Variants in INSR observed in about 807,000 individuals in gnomAD.
INSR encodes the protein insulin receptor.
A neutral mutation model predicts 142.6 loss-of-function variants in INSR; 67 were observed. The ratio of observed to expected loss-of-function variants is 0.47; its 90% CI spans 0.39 to 0.58. INSR has a LOEUF of 0.58. Ranked by LOEUF, INSR falls within the 20% of genes least tolerant of loss-of-function variation. INSR has a pLI of 0.00. For synonymous variants in INSR, 756 were observed against 743.1 expected, an observed-to-expected ratio of 1.02 and a Z score of -0.28; for missense variants, 1,248 against 1,833.2, an observed-to-expected ratio of 0.68 and a Z score of 5.83.
At chr19:7,158,286 G>A (rs966412662) in intron 9 of INSR, among the ~76,000 whole-genome samples, 77 of 152,084 alleles carry the variant, frequency 5.1e-4, no homozygotes, top group African/African-American at 1.9e-3. Context: ...AGATCACGAG[G>A]TCAGGAGATC....
At chr19:7,208,062 C>G (rs1249727249) in intron 2 of INSR, among the ~76,000 whole-genome samples, 2 of 152,058 alleles carry the variant, frequency 1.3e-5, no homozygotes, top group Non-Finnish European at 2.9e-5. Context: ...CTTGTACCCC[C>G]CAGAAAACCA....
chr19:7,265,984 T>C (rs1967711975), intron 2 of INSR, among the ~76,000 whole-genome samples: 1 of 152,130 alleles, frequency 6.6e-6, no homozygotes, highest in Admixed American at 6.6e-5. Flanking sequence ...AGATTAATTT[T>C]GCAAAAGCTA....
chr19:7,285,674 A>G (rs779167917), intron 1 of INSR, among the ~76,000 whole-genome samples: 4 of 152,092 alleles, frequency 2.6e-5, no homozygotes, highest in Non-Finnish European at 4.4e-5. Context: ...TAAAAAGAAA[A>G]TATGGGATCT....
chr19:7,141,253 C>T (rs1260191597), intron 13 of INSR, among the ~76,000 whole-genome samples: 1 of 152,120 alleles, frequency 6.6e-6, no homozygotes, highest in Admixed American at 6.6e-5. Context: ...TGGGGTTTCA[C>T]CATGTTGGCC....
At chr19:7,259,505 A>T (rs1453041622) in intron 2 of INSR, among the ~76,000 whole-genome samples, 1 of 152,136 alleles carries the variant, frequency 6.6e-6, no homozygotes, top group Admixed American at 6.6e-5. Flanking sequence ...ATTTGCCACA[A>T]AGACAATTCC....
In INSR at chr19:7,166,440, A is replaced by C; in HGVS notation, c.1611-36T>G. On this transcript the variant is annotated intron_variant, in intron 7 of 21. Transcript: ENST00000302850. This position sits in a 1 kb window ranked among gnomAD's most constrained non-coding sequence, Gnocchi z 4.1. ...AAAACAGCAGAAGGCAGTTACCCTT[A>C]CAAGACCGTCACACTGAGTGCCGTG... 1 of 1,610,314 alleles carries C rather than the reference A, an allele frequency of 6.2e-7. No individual in the cohort carries two copies. The highest frequency in any genetic ancestry group is 1.7e-4 in the Middle Eastern group (1 of 6,056).
At chr19:7,195,312 G>C (rs1050057416) in intron 2 of INSR, among the ~76,000 whole-genome samples, 2 of 152,068 alleles carry the variant, frequency 1.3e-5, no homozygotes, top group Non-Finnish European at 2.9e-5. Context: ...CCTAGCTTGA[G>C]GTCATTCGAT....
chr19:7,275,679 A>G (rs1968044508), intron 1 of INSR, among the ~76,000 whole-genome samples: 1 of 151,500 alleles, frequency 6.6e-6, no homozygotes, highest in Non-Finnish European at 1.5e-5. Flanking sequence ...CCCAGCTACT[A>G]GGGAGGCTGA....
At position 7,120,700 on chromosome 19, in the gene INSR, C is replaced by T. The variant is rs770374822; in HGVS notation, c.3579G>A (p.Gly1193=). 3 of 1,614,146 alleles carry T rather than the reference C, an allele frequency of 1.9e-6. No homozygotes were observed. Among genetic ancestry groups the T allele is most frequent in the East Asian group, 4.5e-5 (2 of 44,866 alleles). Residue 1193 remains glycine, a synonymous_variant, in exon 20 of 22, where the codon GGG becomes GGA. Coordinates refer to ENST00000302850, the MANE Select transcript of INSR (RefSeq NM_000208.4). The part of the protein sequence containing the change: ...DIYETDYYRK[G]GKGLLPVRWM... ...ACCGTACAGGGAGCAGACCCTTGCC[C>T]CCTTTCCGGTAGTAATCCGTTTCAT...
chr19:7,213,073 C>A lies in INSR; in HGVS notation c.653-28436G>T, dbSNP rs528256568. ...TTAAACCACTACAGGGGGCCGGGCGCGGTGGCTCACGCCTGTAATCCCAGC... is the reference window on the plus strand; with the variant it reads ...TTAAACCACTACAGGGGGCCGGGCGAGGTGGCTCACGCCTGTAATCCCAGC... On this transcript the variant is annotated intron_variant, in intron 2 of 21. Coordinates refer to ENST00000302850, the MANE Select transcript of INSR (RefSeq NM_000208.4). Among the ~76,000 whole-genome samples the A allele has an allele frequency of 2.6e-5, 4 of 151,840 alleles. No individual in the cohort carries two copies. In the East Asian group the frequency reaches 7.9e-4, roughly 30 times the overall value.
Position 7,192,124 on chromosome 19 carries a change from GAGAA to G in INSR, c.653-7491_653-7488del, listed in dbSNP as rs902631589. On this transcript the variant is annotated intron_variant, in intron 2 of 21. Coordinates refer to ENST00000302850, the MANE Select transcript of INSR (RefSeq NM_000208.4). The surrounding 1 kb of genome is among the most constrained non-coding windows in gnomAD (Gnocchi z 4.2). ...AAAGAGAAAAAAGAAAAGAAAGAGG[GAGAA>G]AGAAGAAAGATAAGAGAGAGAGAAA... Among the ~76,000 whole-genome samples the G allele has an allele frequency of 2.8e-4, 41 of 146,556 alleles. No homozygotes were observed. The highest frequency in any genetic ancestry group is 1.0e-3 in the African/African-American group (40 of 39,724).
rs1460518835 is a variant in INSR, at chr19:7,293,954, C to G, written c.-63G>C. ...GCGGCGCTGGCCCGCGGGGGTCATG[C>G]TCCGAGGCGGCCACCCAAGAGGCGC... is the stretch of plus-strand genomic sequence containing the variant. On this transcript the variant is annotated 5_prime_UTR_variant, in exon 1 of 22. Transcript: ENST00000302850. 8.7e-7 allele frequency: 1 copy of G among 1,148,414 alleles called. No individual in the cohort carries two copies. Among genetic ancestry groups the G allele is most frequent in the Non-Finnish European group, 1.1e-6 (1 of 935,560 alleles). 71.1% of individuals were successfully genotyped at this position (1,148,414 alleles called of 1,614,324 possible).
chr19:7,151,162 C>CTCTTTCTTTCTTTCTT lies in INSR; in HGVS notation c.2232-646_2232-631dup, dbSNP rs1218566297. ...CTTTCTCTCTTTCCTTTCTTTCTTT[C>CTCTTTCTTTCTTTCTT]TCTTTCTTTCTTTCTTTCTTTCTTT... On this transcript the variant is annotated intron_variant, in intron 10 of 21. Coordinates refer to ENST00000302850, the MANE Select transcript of INSR (RefSeq NM_000208.4). 2.4e-3 allele frequency among the ~76,000 whole-genome samples: 112 copies of CTCTTTCTTTCTTTCTT among 45,890 alleles called. 2 individuals are homozygous for CTCTTTCTTTCTTTCTT. The South Asian group carries it at 0.033, about 13-fold the overall frequency. The allele number at this position is 45,890 out of a possible 152,430, so 30.1% of individuals were successfully genotyped here.
intron 2 of INSR, among the ~76,000 whole-genome samples, chr19:7,194,135 T>C (rs1974673299): frequency 1.3e-5 from 2 of 152,186 alleles, no homozygotes; most frequent in South Asian, 4.1e-4. Context: ...ATCATCTTTG[T>C]TGGCTGGGCA....
chr19:7,275,064 C>T (rs903421273), intron 1 of INSR, among the ~76,000 whole-genome samples: 4 of 151,766 alleles, frequency 2.6e-5, no homozygotes, highest in African/African-American at 7.3e-5. Context: ...CAACCTCTGC[C>T]GCCTGGGTTC....
chr19:7,282,075 C>G lies in INSR; in HGVS notation c.100+11717G>C, dbSNP rs114165150. Among the ~76,000 whole-genome samples, 797 of 152,192 alleles carry G rather than the reference C, an allele frequency of 5.2e-3. 5 individuals are homozygous for G. The highest frequency in any genetic ancestry group is 0.018 in the African/African-American group (756 of 41,538). ...GAAACAAAATATGTTTCTAAAACCC[C>G]GCGAGCCGGCGGGGCACGGTGGCTC... On this transcript the variant is annotated intron_variant, in intron 1 of 21. Coordinates refer to ENST00000302850, the MANE Select transcript of INSR (RefSeq NM_000208.4).
chr19:7,201,481 T>G (rs1568483335), intron 2 of INSR, among the ~76,000 whole-genome samples: 7 of 151,098 alleles, frequency 4.6e-5, no homozygotes, highest in Non-Finnish European at 1.5e-5. Context: ...AAAAATTAGC[T>G]GGGTGTGGTG....
chr19:7,198,899 TG>T (rs57116223), intron 2 of INSR, among the ~76,000 whole-genome samples: 1,838 of 59,792 alleles, frequency 0.031, 29 homozygotes, highest in African/African-American at 0.047. Flanking sequence ...ACACTTTTTT[TG>T]GGGGGGGGGT....
intron 13 of INSR, among the ~76,000 whole-genome samples, chr19:7,137,466 T>A (rs1340950779): frequency 6.6e-6 from 1 of 151,954 alleles, no homozygotes; most frequent in Non-Finnish European, 1.5e-5. Flanking sequence ...CAGGGGCTAC[T>A]GGGCTCACTG....
Sources: allele counts gnomAD v4.1 joint callset (sites outside exome capture counted in the v4.1 genomes callset), GRCh38; gene constraint gnomAD v4.1.1; non-coding constraint Gnocchi (gnomAD v3.1); transcripts MANE v1.5; gene names NCBI Gene and HGNC (gene_info 2026-07-23, HGNC 2026-07-21).